Variants in KRI1 observed in about 807,000 individuals in gnomAD.
KRI1 encodes the protein KRI1 homolog, also known as protein KRI1 homolog.
A neutral mutation model predicts 97.0 loss-of-function variants in KRI1; 83 were observed. That is an observed-to-expected ratio of 0.86 (90% CI 0.72 to 1.03). The LOEUF (loss-of-function observed/expected upper bound fraction) is 1.03. Ranked by LOEUF, KRI1 falls within the 50% of genes least tolerant of loss-of-function variation. KRI1 has a pLI of 0.00. For synonymous variants in KRI1, 371 were observed against 363.5 expected (o/e 1.02, Z -0.23); for missense variants, 916 against 928.4 (o/e 0.99, Z 0.17).
intron 4 of KRI1, 32 bp downstream of exon 4, chr19:10,562,697 C>G (rs763469716): frequency 7.8e-7 from 1 of 1,281,366 alleles, no homozygotes; most frequent in South Asian, 1.2e-5. Flanking sequence ...GGGCTGGGAA[C>G]CAGGGGGTGG....
In KRI1 at chr19:10,560,335, T is replaced by C; in HGVS notation, c.777A>G (p.Glu259=). 1.2e-6 allele frequency: 2 copies of C among 1,612,088 alleles called. No individual in the cohort carries two copies. The highest frequency in any genetic ancestry group is 1.7e-6 in the Non-Finnish European group (2 of 1,179,212). ...YEEEEEEEED[E]EEMEEEEGVH... Reference sequence around the variant, plus strand: ...ACCCCTCCTCTTCCTCCATTTCCTCTTCATCTTCCTCCTCCTCTTCCTCCT... The same window carrying C: ...ACCCCTCCTCTTCCTCCATTTCCTCCTCATCTTCCTCCTCCTCTTCCTCCT... The change falls in exon 9 of 19, where the codon GAA becomes GAG. Residue 259 remains glutamate, a synonymous_variant. Transcript: ENST00000312962.
intron 8 of KRI1, 113 bp from the exon 9 acceptor site, chr19:10,560,561 T>C (rs1599534413): frequency 1.3e-6 from 1 of 756,908 alleles, no homozygotes; most frequent in East Asian, 2.6e-5. Context: ...ATTAGCCCCA[T>C]TTTGGTTTCT....
rs772345684 is a variant in KRI1, at chr19:10,559,810, C to A, written c.927G>T (p.Ser309=). The part of the protein sequence containing the change: ...NFRFEEPDSA[S]VKTYPRSIAS... ...GTCCTCCCCAGCCCCAGCCACACACCGATGCTGAGTCCGGCTCCTCGAAAC... is the reference window on the plus strand; with the variant it reads ...GTCCTCCCCAGCCCCAGCCACACACAGATGCTGAGTCCGGCTCCTCGAAAC... Residue 309 remains serine (S), a splice_region_variant and synonymous_variant, in exon 10 of 19, where the codon TCG becomes TCT. Coordinates refer to ENST00000312962, the MANE Select transcript of KRI1 (RefSeq NM_023008.5). 1 of 1,613,846 alleles carries A rather than the reference C, an allele frequency of 6.2e-7. No homozygotes were observed. Among genetic ancestry groups the A allele is most frequent in the Non-Finnish European group, 8.5e-7 (1 of 1,179,976 alleles).
intron 7 of KRI1, 36 bp from the exon 8 acceptor site, chr19:10,561,116 C>T: frequency 6.2e-7 from 1 of 1,610,268 alleles, no homozygotes. Context: ...CCGCAGATGC[C>T]CAGCCACCCG....
rs770977195 is a variant in KRI1, at chr19:10,553,971, C to G, written c.2092G>C (p.Gly698Arg). The G allele has an allele frequency of 3.7e-6, 6 of 1,608,248 alleles. No homozygotes were observed. The highest frequency in any genetic ancestry group is 3.3e-5 in the South Asian group (3 of 90,436). The change falls in exon 19 of 19, where the codon GGG (glycine) becomes CGG (arginine). Residue 698 changes from glycine (G) to arginine (R), a missense_variant. Around this residue, in one of 3 missense-constraint regions of KRI1, gnomAD observed 672 missense variants for 667.2 expected, o/e 1.01. Transcript: ENST00000312962. ...QLGRQRRKQQ[G>R]PKNSS ...GGTGCTCAGGAGCTGTTCTTGGGCCCCTGTTGTTTCCTCCGCTGCCGGCCC... is the reference window on the plus strand; with the variant it reads ...GGTGCTCAGGAGCTGTTCTTGGGCCGCTGTTGTTTCCTCCGCTGCCGGCCC...
At chr19:10,564,107 T>C (rs1236954339) in intron 3 of KRI1, among the ~76,000 whole-genome samples, 2 of 146,834 alleles carry the variant, frequency 1.4e-5, no homozygotes, top group Non-Finnish European at 3.0e-5. Flanking sequence ...GATCATGCCA[T>C]TGCACTCCAG....
Position 10,565,005 on chromosome 19 carries a change from A to G in KRI1, c.198T>C (p.Phe66=), listed in dbSNP as rs769521343. Reference sequence around the variant, plus strand: ...TCTTCAACAAGGAGAGCGTTTTGTAAAAGTCCCGCTCCTGCTGGGGATCAA... The same window carrying G: ...TCTTCAACAAGGAGAGCGTTTTGTAGAAGTCCCGCTCCTGCTGGGGATCAA... ...VEFDPQQERD[F]YKTLSLLKKK... is the part of the protein sequence containing the mutation. Residue 66 remains phenylalanine (F), a synonymous_variant, in exon 3 of 19, where the codon TTT becomes TTC. Coordinates refer to ENST00000312962, the MANE Select transcript of KRI1 (RefSeq NM_023008.5). 3 of 1,613,642 alleles carry G rather than the reference A, an allele frequency of 1.9e-6. No individual in the cohort carries two copies. In the South Asian group the frequency reaches 3.3e-5, roughly 18 times the overall value.
At chr19:10,555,236 C>CCCGCCCTGCCCGCAGCGCACCTGGCT (rs6146467) in intron 17 of KRI1, 49 bp downstream of exon 17, 1,082,649 of 1,601,694 alleles carry the variant, frequency 0.68, 372,348 homozygotes, top group East Asian at 0.96. Flanking sequence ...CCCGAGGCTG[C>CCCGCCCTGCCCGCAGCGCACCTGGCT]CCGCCCTGCC....
At position 10,561,108 on chromosome 19, in the gene KRI1, G is replaced by A. The variant is rs572277122; in HGVS notation, c.586-28C>T. ...GGGGGAAAGCTAGCACTGAGCATCC[G>A]CAGATGCCCAGCCACCCGCCACCCT... On this transcript the variant is annotated intron_variant, in intron 7 of 18. Coordinates refer to ENST00000312962, the MANE Select transcript of KRI1 (RefSeq NM_023008.5). The A allele has an allele frequency of 7.9e-5, 128 of 1,612,720 alleles. No individual in the cohort carries two copies. The South Asian group carries it at 1.3e-3, about 16-fold the overall frequency.
Position 10,554,156 on chromosome 19 carries a change from G to A in KRI1, c.1907C>T (p.Ala636Val), listed in dbSNP as rs1197688041. 2.5e-6 allele frequency: 4 copies of A among 1,613,836 alleles called. No homozygotes were observed. In the African/African-American group the frequency reaches 4.0e-5, roughly 16 times the overall value. Residue 636 changes from alanine to valine, a missense_variant, in exon 19 of 19, where the codon GCC becomes GTC. Around this residue, in one of 3 missense-constraint regions of KRI1, gnomAD observed 672 missense variants for 667.2 expected, o/e 1.01. Transcript: ENST00000312962. The stretch of plus-strand genomic sequence containing the variant: ...TGGCTTCTTGTGGGGTGATACAGGG[G>A]CTTCCTCTTCCTGTGCTGGGGGACT... ...PESPPAQEEE[A>V]PVSPHKKPAP... is the part of the protein sequence containing the mutation.
chr19:10,560,808 C>T (rs1407543918), intron 8 of KRI1, among the ~76,000 whole-genome samples, 195 bp downstream of exon 8: 1 of 152,178 alleles, frequency 6.6e-6, no homozygotes, highest in Non-Finnish European at 1.5e-5. Flanking sequence ...AAGCAATCCT[C>T]CTGCCTTGAC....
chr19:10,555,173 C>T lies in KRI1; in HGVS notation c.1695G>A (p.Glu565=), dbSNP rs1304395354. The T allele has an allele frequency of 1.9e-6, 3 of 1,614,224 alleles. No individual in the cohort carries two copies. The highest frequency in any genetic ancestry group is 4.5e-5 in the East Asian group (2 of 44,888). Residue 565 remains glutamate (E), a synonymous_variant, in exon 18 of 19, where the codon GAG becomes GAA. Transcript: ENST00000312962. ...TGTACGCCCGCTTGTCCCGCAGCTC[C>T]TCCTGCTCTGACCTGCAGACAGATG... The part of the protein sequence containing the change: ...KKTCMYRSEQ[E]ELRDKRAYSQ...
chr19:10,561,544 C>T (rs1344991294), intron 6 of KRI1, 123 bp downstream of exon 6: 20 of 991,388 alleles, frequency 2.0e-5, no homozygotes, highest in Admixed American at 1.9e-4. Context: ...TTATTAACCC[C>T]GTTTAACTGA....
At chr19:10,561,518 G>T in intron 6 of KRI1, 149 bp downstream of exon 6, 1 of 880,914 alleles carries the variant, frequency 1.1e-6, no homozygotes, top group South Asian at 1.5e-5. Context: ...AACAAGCTCA[G>T]AGCAGTGCTG....
intron 3 of KRI1, among the ~76,000 whole-genome samples, chr19:10,563,629 G>A (rs1477260848): frequency 6.6e-6 from 1 of 151,968 alleles, no homozygotes; most frequent in Non-Finnish European, 1.5e-5. Flanking sequence ...TTACAGGCAT[G>A]AGCCACCATG....
At position 10,561,786 on chromosome 19, in the gene KRI1, C is replaced by A. The variant is rs1366520461; in HGVS notation, c.438+5G>T. ...GCCCCCCGACCCAGCCTTCACCCCA[C>A]CCACCTGGAGTCTGTGATTGGAAGT... On this transcript the variant is annotated splice_donor_5th_base_variant and intron_variant, in intron 5 of 18. Coordinates refer to ENST00000312962, the MANE Select transcript of KRI1 (RefSeq NM_023008.5). 1.2e-6 allele frequency: 2 copies of A among 1,613,850 alleles called. No individual in the cohort carries two copies. Among genetic ancestry groups the A allele is most frequent in the Admixed American group, 1.7e-5 (1 of 59,984 alleles).
chr19:10,562,602 G>T, intron 4 of KRI1, 127 bp downstream of exon 4: 1 of 672,988 alleles, frequency 1.5e-6, no homozygotes, highest in East Asian at 2.5e-5. Flanking sequence ...CAAAGTGCTG[G>T]GATTATGGGC....
At chr19:10,556,768 C>T (rs1030547952) in intron 16 of KRI1, among the ~76,000 whole-genome samples, 1 of 152,030 alleles carries the variant, frequency 6.6e-6, no homozygotes, top group Admixed American at 6.6e-5. Context: ...AAGCAGGAAG[C>T]TTGTTTAGGC....
chr19:10,553,264 C>A lies in KRI1; in HGVS notation c.*687G>T. The A allele has an allele frequency of 1.5e-6, 1 of 687,492 alleles. No individual in the cohort carries two copies. The highest frequency in any genetic ancestry group is 2.3e-6 in the Non-Finnish European group (1 of 440,504). The allele number at this position is 687,492 out of a possible 1,614,324, so 42.6% of individuals were successfully genotyped here. A position where few individuals can be genotyped will look rare whatever the true frequency, so the allele number is the denominator to read the frequency against. ...ATACACCTGTCTCCCACCAGCGGGG[C>A]CCTCCTGGCAGGGTAGGGAAGGAGG... On this transcript the variant is annotated 3_prime_UTR_variant, in exon 19 of 19. Transcript: ENST00000312962.
Sources: gnomAD v4.1 joint callset for allele counts (sites outside exome capture counted in the v4.1 genomes callset) on GRCh38, gnomAD v4.1.1 for gene constraint, gnomAD v4.1.1 regional missense constraint, MANE v1.5 for transcripts, NCBI Gene and HGNC (gene_info 2026-07-23, HGNC 2026-07-21) for gene names.